The following MDGA2 variants were observed in gnomAD, a reference collection of about 807,000 sequenced individuals.
The protein encoded by MDGA2 is MAM domain-containing glycosylphosphatidylinositol anchor protein 2.
A neutral mutation model predicts 117.8 loss-of-function variants in MDGA2; 40 were observed. The observed-to-expected ratio is 0.34, with a 90% confidence interval of 0.26 to 0.44. MDGA2 has a LOEUF of 0.44. MDGA2 is among the 20% of genes least tolerant of loss of function. The pLI is 1.00. For synonymous variants in MDGA2, 452 were observed against 439.0 expected (o/e 1.03, Z -0.37); for missense variants, 1,123 against 1,250.6 (o/e 0.90, Z 1.54).
intron 2 of MDGA2, among the ~76,000 whole-genome samples, chr14:47,292,478 T>G (rs1888924534): frequency 6.6e-6 from 1 of 152,156 alleles, no homozygotes; most frequent in African/African-American, 2.4e-5. Context: ...TTGTCTTTCA[T>G]AAGCCCCCAT....
intron 2 of MDGA2, among the ~76,000 whole-genome samples, chr14:47,234,263 A>C (rs1307769442): frequency 6.6e-6 from 1 of 150,820 alleles, no homozygotes; most frequent in Non-Finnish European, 1.5e-5. Context: ...ATATAAATGC[A>C]TATATGTAGA....
intron 5 of MDGA2, among the ~76,000 whole-genome samples, chr14:47,130,312 G>A (rs1311415853): frequency 6.6e-6 from 1 of 152,010 alleles, no homozygotes; most frequent in Non-Finnish European, 1.5e-5. Flanking sequence ...TCTACTTATG[G>A]CTAGCCAATT....
intron 1 of MDGA2, among the ~76,000 whole-genome samples, chr14:47,302,978 C>T (rs758040905): frequency 2.0e-5 from 3 of 152,112 alleles, no homozygotes; most frequent in Non-Finnish European, 4.4e-5. Flanking sequence ...ACCCTGCTTT[C>T]CAATATCCAT....
intron 7 of MDGA2, among the ~76,000 whole-genome samples, chr14:47,053,650 TATATAC>T (rs1193907003): frequency 1.7e-3 from 80 of 46,998 alleles, no homozygotes; most frequent in African/African-American, 5.3e-3. Flanking sequence ...TATATATATA[TATATAC>T]ACACACACAC....
At chr14:46,941,069 C>T (rs1884980502) in intron 9 of MDGA2, among the ~76,000 whole-genome samples, 1 of 152,126 alleles carries the variant, frequency 6.6e-6, no homozygotes, top group South Asian at 2.1e-4. Context: ...AATTTGAATC[C>T]TAGAACAAGA....
At chr14:47,046,708 G>C (rs1385846450) in intron 7 of MDGA2, among the ~76,000 whole-genome samples, 1 of 151,894 alleles carries the variant, frequency 6.6e-6, no homozygotes, top group Non-Finnish European at 1.5e-5. Flanking sequence ...CTTAAAAGTT[G>C]AATACTGCAC....
chr14:46,863,175 T>C (rs1881581014), intron 14 of MDGA2, among the ~76,000 whole-genome samples: 1 of 151,962 alleles, frequency 6.6e-6, no homozygotes, highest in South Asian at 2.1e-4. Context: ...ACCTCCTATA[T>C]AATTCCCTCT....
chr14:47,044,537 A>T (rs1359212854), intron 7 of MDGA2, among the ~76,000 whole-genome samples: 39 of 152,192 alleles, frequency 2.6e-4, no homozygotes, highest in Admixed American at 2.6e-3. Context: ...ACAAGCATTT[A>T]TAAATATGTC....
At chr14:47,393,675 T>A (rs1442840807) in intron 1 of MDGA2, among the ~76,000 whole-genome samples, 5 of 152,114 alleles carry the variant, frequency 3.3e-5, no homozygotes. Context: ...TCCTTCAAAA[T>A]TTTATAAGCT....
intron 5 of MDGA2, among the ~76,000 whole-genome samples, chr14:47,120,077 G>A (rs554590231): frequency 4.6e-5 from 7 of 152,266 alleles, no homozygotes; most frequent in South Asian, 2.1e-4. Flanking sequence ...ACCCAGTGAC[G>A]CTTCACCGGG....
At chr14:46,999,317 G>T (rs993745784) in intron 8 of MDGA2, among the ~76,000 whole-genome samples, 1 of 151,776 alleles carries the variant, frequency 6.6e-6, no homozygotes, top group African/African-American at 2.4e-5. Context: ...CAATTCTTGA[G>T]ATCATAAGCA....
chr14:46,923,547 G>A (rs1440190541), intron 9 of MDGA2, among the ~76,000 whole-genome samples: 1 of 151,918 alleles, frequency 6.6e-6, no homozygotes, highest in Non-Finnish European at 1.5e-5. Context: ...TTTTTAGATG[G>A]TGCATAAATA....
At chr14:47,242,914 G>C (rs1368001660) in intron 2 of MDGA2, among the ~76,000 whole-genome samples, 1 of 151,838 alleles carries the variant, frequency 6.6e-6, no homozygotes, top group East Asian at 1.9e-4. Context: ...TCCTGAGTCT[G>C]GTGGGGACGT....
At chr14:47,364,493 T>C (rs928887941) in intron 1 of MDGA2, among the ~76,000 whole-genome samples, 1 of 152,126 alleles carries the variant, frequency 6.6e-6, no homozygotes, top group African/African-American at 2.4e-5. Flanking sequence ...CTCGATCTCC[T>C]GACATTGTGA....
intron 2 of MDGA2, among the ~76,000 whole-genome samples, chr14:47,299,165 C>G (rs1889191748): frequency 6.6e-6 from 1 of 152,128 alleles, no homozygotes; most frequent in Non-Finnish European, 1.5e-5. Context: ...AATGCATGAT[C>G]TACTTTGTTT....
At chr14:47,103,592 T>C (rs1464283058) in intron 5 of MDGA2, among the ~76,000 whole-genome samples, 2 of 152,248 alleles carry the variant, frequency 1.3e-5, no homozygotes, top group African/African-American at 4.8e-5. Flanking sequence ...AGTAAACTTT[T>C]GCTACAGATA....
At chr14:47,036,056 T>C (rs1301753787) in intron 7 of MDGA2, among the ~76,000 whole-genome samples, 2 of 151,878 alleles carry the variant, frequency 1.3e-5, no homozygotes, top group Middle Eastern at 3.4e-3. Flanking sequence ...GATCACGAGG[T>C]CAGGAGATCG....
chr14:47,103,927 A>T (rs1219523327), intron 5 of MDGA2, among the ~76,000 whole-genome samples: 2 of 152,174 alleles, frequency 1.3e-5, no homozygotes, highest in South Asian at 4.1e-4. Flanking sequence ...AAGCTGTGAT[A>T]TATCAGCGAA....
intron 1 of MDGA2, among the ~76,000 whole-genome samples, chr14:47,574,604 T>C (rs551483843): frequency 9.9e-5 from 15 of 152,164 alleles, no homozygotes; most frequent in Non-Finnish European, 2.1e-4. Flanking sequence ...AAATGAAGAA[T>C]GTTCTTTGCC....
Sources: allele counts gnomAD v4.1 joint callset (sites outside exome capture counted in the v4.1 genomes callset), GRCh38; gene constraint gnomAD v4.1.1; transcripts MANE v1.5; gene names NCBI Gene and HGNC (gene_info 2026-07-23, HGNC 2026-07-21).